TAF4B: variants seen among roughly 807,000 people sequenced by gnomAD.
The protein encoded by TAF4B is TATA-box binding protein associated factor 4b.
TAF4B carries 38 observed loss-of-function variants against 86.4 expected under a neutral mutation model. The observed-to-expected ratio is 0.44, with a 90% CI of 0.34 to 0.58. The LOEUF (loss-of-function observed/expected upper bound fraction) is 0.58, where lower values mean the gene tolerates loss of function less well. Among genes scored for constraint, TAF4B ranks in the 20% least tolerant of loss-of-function variants. The probability of loss-of-function intolerance (pLI) is 0.02; values close to 1 mark genes in which losing one functional copy is unlikely to be tolerated. For missense variants in TAF4B, 988 were observed against 1,027.6 expected (o/e 0.96, Z 0.53); for synonymous variants, 388 against 391.2 (o/e 0.99, Z 0.10).
At chr18:26,373,315 C>T (rs2057419469) in intron 14 of TAF4B, among the ~76,000 whole-genome samples, 1 of 152,174 alleles carries the variant, frequency 6.6e-6, no homozygotes, top group African/African-American at 2.4e-5. Context: ...CTATCTCCCA[C>T]TTTCTCTTAG....
At chr18:26,283,099 A>G (rs2056469704) in intron 6 of TAF4B, among the ~76,000 whole-genome samples, 1 of 151,724 alleles carries the variant, frequency 6.6e-6, no homozygotes. Flanking sequence ...CTTCTTATGA[A>G]CTCCTGTTAG....
At chr18:26,334,804 C>T (rs1008857940) in intron 12 of TAF4B, among the ~76,000 whole-genome samples, 28 of 152,168 alleles carry the variant, frequency 1.8e-4, no homozygotes, top group Admixed American at 6.5e-5. Flanking sequence ...TGAAGATCAG[C>T]CAGTATTGAT....
rs190908193 is a variant in TAF4B, at chr18:26,353,896, G to A, written c.2317-3794G>A. 3.6e-3 allele frequency among the ~76,000 whole-genome samples: 548 copies of A among 152,208 alleles called. 1 individual carries two copies. Among genetic ancestry groups the A allele is most frequent in the Non-Finnish European group, 4.9e-3 (330 of 68,000 alleles). ...TTTTTTCTCTTATAGATATGCATTA[G>A]GTGTCATGTTCAAGGACTCTTTGCT... On this transcript the variant is annotated intron_variant, in intron 13 of 14. Transcript: ENST00000269142.
chr18:26,332,229 G>A (rs1039554563), intron 12 of TAF4B, among the ~76,000 whole-genome samples: 1 of 152,128 alleles, frequency 6.6e-6, no homozygotes, highest in Non-Finnish European at 1.5e-5. Context: ...CAACCAGCCC[G>A]GCAGCAAATC....
In TAF4B at chr18:26,257,555, A is replaced by G. The variant is rs180948712; in HGVS notation, c.344-7615A>G. Among the ~76,000 whole-genome samples the G allele has an allele frequency of 5.5e-3, 841 of 152,256 alleles. 12 individuals are homozygous for G. Among genetic ancestry groups the G allele is most frequent in the African/African-American group, 0.019 (780 of 41,550 alleles). The stretch of plus-strand genomic sequence containing the variant: ...ACATTTGCATTTAATGTTGTTATAT[A>G]TATATAGTTGGACTTAGCCTGCCAT... On this transcript the variant is annotated intron_variant, in intron 1 of 14. Coordinates refer to ENST00000269142, the MANE Select transcript of TAF4B (RefSeq NM_005640.3).
chr18:26,346,805 A>ATGTG lies in TAF4B; in HGVS notation c.2317-10884_2317-10883insGTGT, dbSNP rs1567913812. Reference sequence around the variant, plus strand: ...TGTATATATATATATATATGTGTATATATATATATATGTGTGTGTATATAT... The same window carrying ATGTG: ...TGTATATATATATATATATGTGTATATGTGTATATATATATGTGTGTGTATATAT... On this transcript the variant is annotated intron_variant, in intron 13 of 14. Transcript: ENST00000269142. 1.7e-3 allele frequency among the ~76,000 whole-genome samples: 42 copies of ATGTG among 24,594 alleles called. 8 individuals carry two copies. Among genetic ancestry groups the ATGTG allele is most frequent in the Non-Finnish European group, 4.0e-3 (36 of 8,970 alleles). The allele number at this position is 24,594 out of a possible 152,430, so 16.1% of individuals were successfully genotyped here. A position where few individuals can be genotyped will look rare whatever the true frequency, so the allele number is the denominator to read the frequency against.
chr18:26,278,150 TCTGA>T (rs1206342130), intron 5 of TAF4B, among the ~76,000 whole-genome samples: 1 of 152,326 alleles, frequency 6.6e-6, no homozygotes, highest in East Asian at 1.9e-4. Context: ...TCCTTGATCC[TCTGA>T]CTTTGATCTG....
chr18:26,267,676 A>G, intron 3 of TAF4B, 53 bp downstream of exon 3: 1 of 1,271,406 alleles, frequency 7.9e-7, no homozygotes, highest in South Asian at 1.2e-5. Context: ...TTTTAAAAAA[A>G]TCATTTAGCT....
At chr18:26,309,620 T>TA (rs2056833944) in intron 9 of TAF4B, among the ~76,000 whole-genome samples, 2 of 152,114 alleles carry the variant, frequency 1.3e-5, no homozygotes, top group Admixed American at 6.5e-5. Context: ...TAATTTTTGT[T>TA]AAAGTATGTT....
chr18:26,284,577 ACAGT>A (rs1296735196), intron 6 of TAF4B, among the ~76,000 whole-genome samples: 13 of 152,186 alleles, frequency 8.5e-5, no homozygotes, highest in Non-Finnish European at 1.5e-4. Flanking sequence ...ATAGATGCTG[ACAGT>A]CAGAAAGTAT....
At chr18:26,328,718 C>G (rs1366731922) in intron 12 of TAF4B, among the ~76,000 whole-genome samples, 1 of 151,986 alleles carries the variant, frequency 6.6e-6, no homozygotes, top group Admixed American at 6.6e-5. Context: ...CTCCCAGGTT[C>G]CAGCAATTCT....
chr18:26,386,204 G>C (rs1205247942), intron 14 of TAF4B, among the ~76,000 whole-genome samples: 1 of 151,904 alleles, frequency 6.6e-6, no homozygotes, highest in Non-Finnish European at 1.5e-5. Flanking sequence ...TTTCAACTCT[G>C]TGCTGGCAGC....
chr18:26,298,551 G>T (rs1397872227), intron 9 of TAF4B, among the ~76,000 whole-genome samples: 1 of 149,310 alleles, frequency 6.7e-6, no homozygotes, highest in African/African-American at 2.5e-5. Context: ...TTTATTTTAA[G>T]AAACAAGGTC....
intron 9 of TAF4B, among the ~76,000 whole-genome samples, chr18:26,309,243 GTA>G (rs1219609532): frequency 3.4e-5 from 3 of 88,850 alleles, no homozygotes; most frequent in Non-Finnish European, 4.3e-5. Context: ...AAACCTGACA[GTA>G]TTTTTTTTTT....
At chr18:26,343,848 A>T (rs1354712567) in intron 13 of TAF4B, among the ~76,000 whole-genome samples, 1 of 152,200 alleles carries the variant, frequency 6.6e-6, no homozygotes, top group Non-Finnish European at 1.5e-5. Flanking sequence ...ATACCAAGGG[A>T]CGACTGTATT....
chr18:26,346,845 GTATATATA>G (rs1243558379), intron 13 of TAF4B, among the ~76,000 whole-genome samples: 2 of 13,962 alleles, frequency 1.4e-4, no homozygotes, highest in African/African-American at 2.9e-4. Flanking sequence ...ATGTGTGTGT[GTATATATA>G]TATATGTGTA....
At chr18:26,287,777 T>C (rs1463174524) in intron 7 of TAF4B, among the ~76,000 whole-genome samples, 2 of 152,180 alleles carry the variant, frequency 1.3e-5, no homozygotes, top group African/African-American at 4.8e-5. Flanking sequence ...GAATAAGAGG[T>C]ATCTGAGTGA....
intron 10 of TAF4B, among the ~76,000 whole-genome samples, chr18:26,317,058 T>C (rs2056920036): frequency 6.6e-6 from 1 of 151,352 alleles, no homozygotes; most frequent in African/African-American, 2.4e-5. Flanking sequence ...AGACTGAGTT[T>C]TGTTCTTGTT....
At chr18:26,335,349 G>GAAGGACAGGAACTGCTA (rs1351229095) in intron 13 of TAF4B, 118 bp downstream of exon 13, 3 of 835,926 alleles carry the variant, frequency 3.6e-6, no homozygotes, top group Non-Finnish European at 6.0e-6. Flanking sequence ...AAGCCTTGGG[G>GAAGGACAGGAACTGCTA]AAGGACAGGA....
Sources: allele counts gnomAD v4.1 joint callset (sites outside exome capture counted in the v4.1 genomes callset), GRCh38; gene constraint gnomAD v4.1.1; transcripts MANE v1.5; gene names NCBI Gene and HGNC (gene_info 2026-07-23, HGNC 2026-07-21).